Variants in SGCE observed in about 807,000 individuals in gnomAD.
SGCE encodes sarcoglycan epsilon.
A neutral mutation model predicts 57.8 loss-of-function variants in SGCE; 26 were observed. That is an observed-to-expected ratio of 0.45 (90% confidence interval 0.33 to 0.62). The LOEUF is 0.62. SGCE is among the 20% of genes least tolerant of loss of function. The pLI is 0.02. For synonymous variants in SGCE, 183 were observed against 189.5 expected, an observed-to-expected ratio of 0.97 and a Z score of 0.28; for missense variants, 468 against 548.6, an observed-to-expected ratio of 0.85 and a Z score of 1.47.
Position 94,607,265 on chromosome 7 carries a change from A to C in SGCE, c.663-3813T>G, listed in dbSNP as rs1000444261. Among the ~76,000 whole-genome samples, 17 of 152,304 alleles carry C rather than the reference A, an allele frequency of 1.1e-4. No individual in the cohort carries two copies. In the South Asian group the frequency reaches 2.3e-3, roughly 20 times the overall value. On this transcript the variant is annotated intron_variant, in intron 5 of 10. Transcript: ENST00000648936. ...AACTCTCTACAATATTTCTCAGAAG[A>C]CAAAAGCCAAAAGAATACTTCCTAT...
chr7:94,632,907 A>G (rs748838325), intron 1 of SGCE, among the ~76,000 whole-genome samples: 9 of 152,132 alleles, frequency 5.9e-5, no homozygotes, highest in Non-Finnish European at 1.3e-4. Flanking sequence ...AGAGGCTATT[A>G]CTAACAGTTA....
intron 1 of SGCE, among the ~76,000 whole-genome samples, chr7:94,631,761 T>G (rs1452471297): frequency 6.6e-6 from 1 of 151,888 alleles, no homozygotes; most frequent in Non-Finnish European, 1.5e-5. Context: ...AGTTTTGAAC[T>G]CCTGCTAAAA....
intron 3 of SGCE, chr7:94,624,319 A>G: frequency 2.5e-6 from 1 of 397,900 alleles, no homozygotes; most frequent in African/African-American, 2.1e-5. Flanking sequence ...TAAAACAAAT[A>G]TCAAAGATTT....
At chr7:94,602,358 C>A (rs1799396091) in intron 6 of SGCE, among the ~76,000 whole-genome samples, 1 of 152,096 alleles carries the variant, frequency 6.6e-6, no homozygotes, top group Non-Finnish European at 1.5e-5. Context: ...AGGCAAAAGG[C>A]CACAAGGAGT....
chr7:94,626,229 T>C (rs1019173011), intron 3 of SGCE: 1 of 152,096 alleles, frequency 6.6e-6, no homozygotes, highest in Non-Finnish European at 1.5e-5. Context: ...TGGGTTGTCT[T>C]TTTAAATCAT....
At chr7:94,602,826 G>A (rs958319725) in intron 6 of SGCE, among the ~76,000 whole-genome samples, 1 of 152,118 alleles carries the variant, frequency 6.6e-6, no homozygotes, top group African/African-American at 2.4e-5. Flanking sequence ...ACTTGGAATT[G>A]TCTCTTGTTT....
intron 3 of SGCE, chr7:94,625,388 A>G (rs1803539295): frequency 6.6e-6 from 1 of 151,944 alleles, no homozygotes; most frequent in Admixed American, 6.6e-5. Flanking sequence ...CTATATTTTT[A>G]TACATATTCA....
At chr7:94,643,428 A>G (rs1014745898) in intron 1 of SGCE, among the ~76,000 whole-genome samples, 1 of 152,222 alleles carries the variant, frequency 6.6e-6, no homozygotes, top group Admixed American at 6.5e-5. Context: ...TTTAAACACA[A>G]CACACAGATA....
chr7:94,587,504 T>C, intron 10 of SGCE: 1 of 1,296,046 alleles, frequency 7.7e-7, no homozygotes, highest in East Asian at 3.2e-5. Flanking sequence ...AAGTATTCTT[T>C]TAGAAATTTT....
In SGCE at chr7:94,656,005, T is replaced by C. The variant is rs955348597; in HGVS notation, c.94A>G (p.Thr32Ala). The change falls in exon 1 of 11, where the codon ACA becomes GCA. Residue 32 changes from threonine (T) to alanine (A), a missense_variant. Physicochemically the swap from Thr to Ala is moderately conservative, Grantham distance 58. Coordinates refer to ENST00000648936, the MANE Select transcript of SGCE (RefSeq NM_003919.3). ...TRRMSPATTG[T>A]FLLTVYSIFS... ...GGCCACTAACCTGTCAGCAAGAATG[T>C]GCCAGTGGTCGCGGGGCTCATCCTG... 5.0e-6 allele frequency: 8 copies of C among 1,608,626 alleles called. No individual in the cohort carries two copies. Among genetic ancestry groups the C allele is most frequent in the Middle Eastern group, 1.6e-4 (1 of 6,076 alleles).
intron 10 of SGCE, chr7:94,586,899 G>T (rs1465296889): frequency 1.2e-5 from 12 of 984,480 alleles, no homozygotes; most frequent in Non-Finnish European, 1.4e-5. Flanking sequence ...TGGCACTTAA[G>T]ATATTTTGGG....
chr7:94,639,383 T>A, intron 1 of SGCE: 1 of 1,535,640 alleles, frequency 6.5e-7, no homozygotes. Flanking sequence ...ATAATAAAAT[T>A]GTTGGCCTGT....
At chr7:94,605,906 G>A (rs1800059221) in intron 5 of SGCE, among the ~76,000 whole-genome samples, 1 of 151,944 alleles carries the variant, frequency 6.6e-6, no homozygotes, top group Non-Finnish European at 1.5e-5. Flanking sequence ...TCAGCTCACT[G>A]CAACCTCTGC....
intron 5 of SGCE, among the ~76,000 whole-genome samples, chr7:94,608,442 G>C (rs997333699): frequency 2.6e-5 from 4 of 152,172 alleles, no homozygotes; most frequent in Non-Finnish European, 5.9e-5. Flanking sequence ...TAAATGGAGA[G>C]ATATTCCATG....
At chr7:94,600,247 A>G (rs1799001551) in intron 7 of SGCE, 1 of 207,734 alleles carries the variant, frequency 4.8e-6, no homozygotes, top group Non-Finnish European at 9.8e-6. Flanking sequence ...TTGACAGCAG[A>G]ATGATTTCAA....
intron 1 of SGCE, among the ~76,000 whole-genome samples, chr7:94,647,043 G>C (rs1043684462): frequency 8.5e-5 from 13 of 152,052 alleles, no homozygotes; most frequent in African/African-American, 2.9e-4. Context: ...GCTCTTTTTT[G>C]CATAATATGA....
At chr7:94,653,726 C>T (rs1808203054) in intron 1 of SGCE, among the ~76,000 whole-genome samples, 1 of 151,688 alleles carries the variant, frequency 6.6e-6, no homozygotes, top group South Asian at 2.1e-4. Context: ...TTAGAAAATT[C>T]TATTTCTAAG....
intron 9 of SGCE, chr7:94,598,469 T>C (rs1798736172): frequency 3.2e-6 from 1 of 316,670 alleles, no homozygotes; most frequent in South Asian, 3.6e-5. Flanking sequence ...GATATGGTTC[T>C]TTTTTTTATA....
Position 94,618,852 on chromosome 7 carries a change from C to G in SGCE, c.568G>C (p.Val190Leu). 1 of 1,614,076 alleles carries G rather than the reference C, an allele frequency of 6.2e-7. No individual in the cohort carries two copies. The highest frequency in any genetic ancestry group is 8.5e-7 in the Non-Finnish European group (1 of 1,179,962). The change falls in exon 5 of 11, where the codon GTG becomes CTG. Residue 190 changes from valine to leucine, a missense_variant. Coordinates refer to ENST00000648936, the MANE Select transcript of SGCE (RefSeq NM_003919.3). ...GCGTTCAGGCGCTCTGGCTGCCACA[C>G]ATTTTTCACTGCGCCAAGAAAGTCT... ...LGDFLGAVKN[V>L]WQPERLNAIN...
Sources: gnomAD v4.1 joint callset for allele counts (sites outside exome capture counted in the v4.1 genomes callset) on GRCh38, gnomAD v4.1.1 for gene constraint, MANE v1.5 for transcripts, NCBI Gene and HGNC (gene_info 2026-07-23, HGNC 2026-07-21) for gene names.